The following PSD2 variants were observed in gnomAD, a reference collection of about 807,000 sequenced individuals.
The protein encoded by PSD2 is PH and SEC7 domain-containing protein 2.
Under a neutral mutation model 69.8 loss-of-function variants are expected in PSD2, and 38 were observed. The ratio of observed to expected loss-of-function variants is 0.54; its 90% CI spans 0.42 to 0.71. PSD2 has a LOEUF of 0.71. Ranked by LOEUF, PSD2 falls within the 30% of genes least tolerant of loss-of-function variation. The probability of loss-of-function intolerance (pLI) is 0.00; values close to 1 mark genes in which losing one functional copy is unlikely to be tolerated. For synonymous variants in PSD2, 412 were observed against 423.0 expected, an observed-to-expected ratio of 0.97 and a Z score of 0.32; for missense variants, 943 against 1,014.5, an observed-to-expected ratio of 0.93 and a Z score of 0.96.
At chr5:139,823,624 G>T (rs1372963174) in intron 7 of PSD2, among the ~76,000 whole-genome samples, 2 of 152,196 alleles carry the variant, frequency 1.3e-5, no homozygotes, top group Non-Finnish European at 2.9e-5. Flanking sequence ...GGCCCTCTCT[G>T]GGCCTCAGGT....
intron 1 of PSD2, among the ~76,000 whole-genome samples, chr5:139,800,561 C>G (rs1310773097): frequency 2.0e-5 from 3 of 152,234 alleles, no homozygotes; most frequent in Non-Finnish European, 4.4e-5. Flanking sequence ...GGGCATAAGC[C>G]CCTGTGCCCG....
chr5:139,808,859 T>C (rs115560725), intron 1 of PSD2, among the ~76,000 whole-genome samples: 162 of 152,360 alleles, frequency 1.1e-3, no homozygotes, highest in African/African-American at 3.6e-3. Context: ...GTCTGTTGAC[T>C]TCCTTGCCTC....
intron 1 of PSD2, among the ~76,000 whole-genome samples, chr5:139,800,408 G>A (rs1209177003): frequency 6.6e-6 from 1 of 152,212 alleles, no homozygotes; most frequent in East Asian, 1.9e-4. Context: ...CCACATGCTA[G>A]ATGATTCTTT....
chr5:139,750,685 G>A, the PSD2 span, among the ~76,000 whole-genome samples: 1 of 152,190 alleles, frequency 6.6e-6, no homozygotes, highest in African/African-American at 2.4e-5. Context: ...GTAAATGAGA[G>A]CAGAACAAGG....
the PSD2 span, among the ~76,000 whole-genome samples, chr5:139,775,879 G>A: frequency 1.3e-5 from 2 of 152,182 alleles, no homozygotes; most frequent in Admixed American, 1.3e-4. Context: ...ATGTTGGTCA[G>A]GCTGGTCTCA....
intron 1 of PSD2, among the ~76,000 whole-genome samples, chr5:139,802,511 G>C (rs1408115809): frequency 6.6e-6 from 1 of 151,530 alleles, no homozygotes; most frequent in Non-Finnish European, 1.5e-5. Context: ...TGGGCTCCAT[G>C]AGCCTGTGGG....
At chr5:139,835,694 T>A (rs200718938) in intron 8 of PSD2, 29 bp from the exon 9 acceptor site, 1 of 1,612,002 alleles carries the variant, frequency 6.2e-7, no homozygotes, top group Non-Finnish European at 8.5e-7. Flanking sequence ...TTCACCTGAA[T>A]TCCCCCCTCT....
At chr5:139,830,689 C>CTT (rs56877686) in intron 7 of PSD2, among the ~76,000 whole-genome samples, 6 of 63,310 alleles carry the variant, frequency 9.5e-5, no homozygotes, top group African/African-American at 3.3e-4. Context: ...TCTTTCTTTT[C>CTT]TTTTTTTTTT....
the PSD2 span, among the ~76,000 whole-genome samples, chr5:139,756,181 C>T: frequency 6.6e-6 from 1 of 152,194 alleles, no homozygotes; most frequent in African/African-American, 2.4e-5. Context: ...TTTCTCCCCC[C>T]TCTTCCTTTT....
the PSD2 span, among the ~76,000 whole-genome samples, chr5:139,765,404 G>C: frequency 6.6e-6 from 1 of 152,068 alleles, no homozygotes. Context: ...GTGGCCCCCA[G>C]TGCCCTCCTA....
the PSD2 span, among the ~76,000 whole-genome samples, chr5:139,788,538 T>G: frequency 2.2e-4 from 33 of 152,064 alleles, no homozygotes; most frequent in Non-Finnish European, 4.9e-4. Context: ...ACAAGGGGCT[T>G]CTCCCCCTAA....
chr5:139,786,957 T>C, the PSD2 span, among the ~76,000 whole-genome samples: 8 of 152,108 alleles, frequency 5.3e-5, no homozygotes, highest in Non-Finnish European at 1.2e-4. Context: ...GAAACCCCTT[T>C]TCACTGATCA....
At chr5:139,746,630 G>C in the PSD2 span, among the ~76,000 whole-genome samples, 2 of 152,216 alleles carry the variant, frequency 1.3e-5, no homozygotes, top group Non-Finnish European at 2.9e-5. This position sits in a 1 kb window ranked among gnomAD's most constrained non-coding sequence, Gnocchi z 4.5. Context: ...TGCAGGCCGC[G>C]AGTATAGAGC....
chr5:139,812,400 A>G (rs550211038), intron 2 of PSD2, among the ~76,000 whole-genome samples: 1 of 152,164 alleles, frequency 6.6e-6, no homozygotes, highest in African/African-American at 2.4e-5. Flanking sequence ...GGGACAGCAC[A>G]GGGTCCTGCA....
At chr5:139,789,480 T>C in the PSD2 span, among the ~76,000 whole-genome samples, 2 of 152,184 alleles carry the variant, frequency 1.3e-5, no homozygotes, top group Admixed American at 6.5e-5. Context: ...TCTTCCTTTA[T>C]TAAGGAAGGA....
intron 1 of PSD2, among the ~76,000 whole-genome samples, chr5:139,802,956 T>G (rs1232045340): frequency 6.6e-6 from 1 of 152,120 alleles, no homozygotes; most frequent in Non-Finnish European, 1.5e-5. Context: ...CATGAGAACA[T>G]GAGCCCAAGG....
At chr5:139,774,105 G>A in the PSD2 span, among the ~76,000 whole-genome samples, 3 of 151,772 alleles carry the variant, frequency 2.0e-5, no homozygotes, top group African/African-American at 4.8e-5. Context: ...GATTAGAGGC[G>A]TGAGCCGCAG....
At chr5:139,752,589 G>A in the PSD2 span, among the ~76,000 whole-genome samples, 1 of 152,128 alleles carries the variant, frequency 6.6e-6, no homozygotes, top group Non-Finnish European at 1.5e-5. Flanking sequence ...GGAGCATATT[G>A]CATATGCAAG....
At position 139,843,846 on chromosome 5, in the gene PSD2, C is replaced by A. The variant is rs1240128745; in HGVS notation, c.*1372C>A. 1 of 152,162 alleles carries A rather than the reference C, an allele frequency of 6.6e-6. No individual in the cohort carries two copies. The highest frequency in any genetic ancestry group is 2.4e-5 in the African/African-American group (1 of 41,412). The allele number at this position is 152,162 out of a possible 1,614,324, so 9.4% of individuals were successfully genotyped here. A position where few individuals can be genotyped will look rare whatever the true frequency, so the allele number is the denominator to read the frequency against. The stretch of plus-strand genomic sequence containing the variant: ...TTCAGTGTGGCTATGAAGAGCGAAT[C>A]CTCTCTATTGTTTAAATAGATTACT... On this transcript the variant is annotated 3_prime_UTR_variant, in exon 15 of 15. Coordinates refer to ENST00000274710, the MANE Select transcript of PSD2 (RefSeq NM_032289.4).
Sources: allele counts gnomAD v4.1 joint callset (sites outside exome capture counted in the v4.1 genomes callset), GRCh38; gene constraint gnomAD v4.1.1; non-coding constraint Gnocchi (gnomAD v3.1); transcripts MANE v1.5; gene names NCBI Gene and HGNC (gene_info 2026-07-23, HGNC 2026-07-21).